The following PLA2G4A variants were observed in gnomAD, a reference collection of about 807,000 sequenced individuals.
The protein encoded by PLA2G4A is cytosolic phospholipase A2.
PLA2G4A carries 40 observed loss-of-function variants against 81.9 expected under a neutral mutation model. That is an observed-to-expected ratio of 0.49 (90% CI 0.38 to 0.64). PLA2G4A has a LOEUF of 0.64. Among genes scored for constraint, PLA2G4A ranks in the 30% least tolerant of loss-of-function variants. The pLI, the probability that PLA2G4A is intolerant of heterozygous loss-of-function variation, is 0.00. For synonymous variants in PLA2G4A, 302 were observed against 296.9 expected, an observed-to-expected ratio of 1.02 and a Z score of -0.18; for missense variants, 715 against 905.1, an observed-to-expected ratio of 0.79 and a Z score of 2.69.
intron 13 of PLA2G4A, among the ~76,000 whole-genome samples, chr1:186,954,664 C>CT (rs1181092405): frequency 8.2e-5 from 1 of 12,268 alleles, no homozygotes; most frequent in Non-Finnish European, 1.3e-4. Flanking sequence ...ACTATAGAAT[C>CT]TCTTTTTTCT....
In PLA2G4A at chr1:186,830,608, C is replaced by CAAAAAAAAAA. The variant is rs55745208; in HGVS notation, c.-70+1588_-70+1597dup. Among the ~76,000 whole-genome samples the CAAAAAAAAAA allele has an allele frequency of 1.5e-3, 107 of 72,676 alleles. 5 individuals are homozygous for CAAAAAAAAAA. Among genetic ancestry groups the CAAAAAAAAAA allele is most frequent in the African/African-American group, 5.3e-3 (99 of 18,588 alleles). 47.7% of individuals were successfully genotyped at this position (72,676 alleles called of 152,430 possible). On this transcript the variant is annotated intron_variant, in intron 1 of 17. Transcript: ENST00000367466. ...GAGCGAAAACAGCGAAGCTCTGTCT[C>CAAAAAAAAAA]AAAAAAAAAAAAAAAAAAAAAAAAG...
intron 3 of PLA2G4A, among the ~76,000 whole-genome samples, chr1:186,878,339 AT>A (rs1353584474): frequency 4.9e-5 from 5 of 102,016 alleles, no homozygotes; most frequent in African/African-American, 1.4e-4. Flanking sequence ...TTTCTGATAT[AT>A]TTTATATATA....
At chr1:186,958,163 T>C (rs917468209) in intron 14 of PLA2G4A, among the ~76,000 whole-genome samples, 1 of 152,090 alleles carries the variant, frequency 6.6e-6, no homozygotes, top group Non-Finnish European at 1.5e-5. Context: ...TATTTTGTGT[T>C]ATGTTTATGG....
chr1:186,907,709 C>T (rs1199757886), intron 6 of PLA2G4A, among the ~76,000 whole-genome samples: 3 of 152,210 alleles, frequency 2.0e-5, no homozygotes, highest in Admixed American at 6.5e-5. Flanking sequence ...AACATTTTCA[C>T]ATCTGGTGAT....
intron 5 of PLA2G4A, among the ~76,000 whole-genome samples, chr1:186,905,406 A>G (rs1654699564): frequency 6.6e-6 from 1 of 151,320 alleles, no homozygotes; most frequent in South Asian, 2.1e-4. Flanking sequence ...TTCTTGAAAA[A>G]AAAAGACCAT....
At chr1:186,847,581 G>A (rs1652225878) in intron 1 of PLA2G4A, among the ~76,000 whole-genome samples, 1 of 152,104 alleles carries the variant, frequency 6.6e-6, no homozygotes, top group Admixed American at 6.6e-5. Flanking sequence ...TAGTGAAACA[G>A]CCTACTCTTT....
intron 10 of PLA2G4A, among the ~76,000 whole-genome samples, chr1:186,942,153 G>T (rs1261096358): frequency 1.3e-5 from 2 of 152,120 alleles, no homozygotes; most frequent in African/African-American, 2.4e-5. Flanking sequence ...ATGGCAACAA[G>T]GAACCACACA....
At chr1:186,871,721 G>T (rs1032735939) in intron 3 of PLA2G4A, among the ~76,000 whole-genome samples, 3 of 152,094 alleles carry the variant, frequency 2.0e-5, no homozygotes, top group African/African-American at 7.2e-5. Context: ...AAAGACTTAG[G>T]ACTGAGATTT....
chr1:186,878,042 A>C (rs1194352614), intron 3 of PLA2G4A, among the ~76,000 whole-genome samples: 1 of 148,632 alleles, frequency 6.7e-6, no homozygotes, highest in African/African-American at 2.4e-5. Context: ...ATTTTTTATA[A>C]ATGACATTGC....
At chr1:186,856,683 G>A (rs1652566076) in intron 2 of PLA2G4A, among the ~76,000 whole-genome samples, 1 of 151,914 alleles carries the variant, frequency 6.6e-6, no homozygotes, top group African/African-American at 2.4e-5. Context: ...GATAATGTAA[G>A]CCTACAGTGT....
chr1:186,848,525 T>C (rs1248326209), intron 1 of PLA2G4A, among the ~76,000 whole-genome samples: 1 of 152,172 alleles, frequency 6.6e-6, no homozygotes, highest in Non-Finnish European at 1.5e-5. Flanking sequence ...ATTCTTTTTC[T>C]CTTTTCCTTT....
At chr1:186,897,163 T>C (rs565515651) in intron 5 of PLA2G4A, among the ~76,000 whole-genome samples, 18 of 152,302 alleles carry the variant, frequency 1.2e-4, no homozygotes, top group Admixed American at 4.6e-4. Context: ...AACTCTTTCA[T>C]AGTTTTGTCA....
chr1:186,984,321 CT>C (rs1424651543), intron 17 of PLA2G4A, among the ~76,000 whole-genome samples: 2 of 152,100 alleles, frequency 1.3e-5, no homozygotes, highest in Non-Finnish European at 2.9e-5. Context: ...GGGAATATGT[CT>C]TCTGAGATTT....
At chr1:186,830,631 A>AAAAAAAAAAAAAAAAAAAAAAAC (rs2101988797) in intron 1 of PLA2G4A, among the ~76,000 whole-genome samples, 1 of 150,960 alleles carries the variant, frequency 6.6e-6, no homozygotes, top group African/African-American at 2.4e-5. Context: ...AAAAAAAAAA[A>AAAAAAAAAAAAAAAAAAAAAAAC]AGTAAGTTAT....
At chr1:186,881,091 G>A (rs953979638) in intron 3 of PLA2G4A, among the ~76,000 whole-genome samples, 5 of 151,980 alleles carry the variant, frequency 3.3e-5, no homozygotes, top group Admixed American at 1.3e-4. Context: ...GTACCAAGTT[G>A]ATCATGAGTG....
At chr1:186,968,911 T>A (rs1167678032) in intron 15 of PLA2G4A, among the ~76,000 whole-genome samples, 1 of 151,258 alleles carries the variant, frequency 6.6e-6, no homozygotes. Context: ...AAAAAAAAAT[T>A]TATACAATAT....
chr1:186,955,233 C>A (rs1296632045), intron 13 of PLA2G4A, among the ~76,000 whole-genome samples: 1 of 152,112 alleles, frequency 6.6e-6, no homozygotes, highest in African/African-American at 2.4e-5. Context: ...GCTTTTAAAT[C>A]CCCAAACTTT....
intron 14 of PLA2G4A, 128 bp downstream of exon 14, chr1:186,956,472 T>C (rs1264093289): frequency 1.1e-6 from 1 of 907,876 alleles, no homozygotes; most frequent in Non-Finnish European, 1.8e-6. Context: ...GCATTTAATG[T>C]GTGAAGGGCT....
At chr1:186,852,292 A>G (rs1652402600) in intron 1 of PLA2G4A, among the ~76,000 whole-genome samples, 1 of 151,982 alleles carries the variant, frequency 6.6e-6, no homozygotes, top group African/African-American at 2.4e-5. Flanking sequence ...GGTTTTGCCA[A>G]TTTTAAATAA....
Sources: allele counts gnomAD v4.1 joint callset (sites outside exome capture counted in the v4.1 genomes callset), GRCh38; gene constraint gnomAD v4.1.1; transcripts MANE v1.5; gene names NCBI Gene and HGNC (gene_info 2026-07-23, HGNC 2026-07-21).